The following SPMIP7 variants were observed in gnomAD, a reference collection of about 807,000 sequenced individuals.
SPMIP7 encodes the protein protein SPMIP7.
chr7:50,117,814 A>C, the SPMIP7 span, among the ~76,000 whole-genome samples: 3 of 152,196 alleles, frequency 2.0e-5, no homozygotes, highest in Admixed American at 6.5e-5. Flanking sequence ...AAGACATGTC[A>C]GTAAATATTT....
At chr7:50,123,113 C>T in the SPMIP7 span, among the ~76,000 whole-genome samples, 13 of 134,914 alleles carry the variant, frequency 9.6e-5, no homozygotes, top group African/African-American at 3.2e-4. Context: ...AAGACACATG[C>T]ACACGTATGT....
At chr7:50,110,747 A>G in the SPMIP7 span, among the ~76,000 whole-genome samples, 1,897 of 128,490 alleles carry the variant, frequency 0.015, 65 homozygotes, top group African/African-American at 0.054. Flanking sequence ...ATATATAAAT[A>G]TGTTATGTTA....
the SPMIP7 span, among the ~76,000 whole-genome samples, chr7:50,125,976 A>G: frequency 6.6e-6 from 1 of 152,112 alleles, no homozygotes; most frequent in African/African-American, 2.4e-5. Flanking sequence ...TCCTCACCAC[A>G]TATGCACATA....
the SPMIP7 span, among the ~76,000 whole-genome samples, chr7:50,146,106 TATGA>T: frequency 6.6e-6 from 1 of 152,334 alleles, no homozygotes; most frequent in South Asian, 2.1e-4. Context: ...AGAATAACTC[TATGA>T]ATAGTAGTTC....
chr7:50,117,320 C>G, the SPMIP7 span: 372,315 of 445,550 alleles, frequency 0.84, 156,002 homozygotes, highest in East Asian at 0.93. Flanking sequence ...AGTAGCTAAG[C>G]CATATTTTAA....
At chr7:50,123,763 A>G in the SPMIP7 span, among the ~76,000 whole-genome samples, 1 of 151,450 alleles carries the variant, frequency 6.6e-6, no homozygotes, top group Admixed American at 6.6e-5. Flanking sequence ...GGAATTCTAA[A>G]AAAGCAAAAA....
the SPMIP7 span, among the ~76,000 whole-genome samples, chr7:50,153,115 A>C: frequency 6.6e-6 from 1 of 152,228 alleles, no homozygotes; most frequent in African/African-American, 2.4e-5. Flanking sequence ...GACAGTAAAG[A>C]AGCACACAAG....
At chr7:50,098,410 C>T in the SPMIP7 span, among the ~76,000 whole-genome samples, 1 of 152,296 alleles carries the variant, frequency 6.6e-6, no homozygotes, top group East Asian at 1.9e-4. Flanking sequence ...AGATAGACCT[C>T]ATCTATTGTC....
the SPMIP7 span, among the ~76,000 whole-genome samples, chr7:50,097,202 G>A: frequency 6.6e-6 from 1 of 152,124 alleles, no homozygotes; most frequent in East Asian, 1.9e-4. Context: ...TCCTGTAAAT[G>A]GAGTTCCTCT....
chr7:50,106,648 G>A, the SPMIP7 span, among the ~76,000 whole-genome samples: 4 of 152,156 alleles, frequency 2.6e-5, no homozygotes, highest in African/African-American at 9.6e-5. Context: ...AAATACATAA[G>A]GAGAAAGTAC....
the SPMIP7 span, among the ~76,000 whole-genome samples, chr7:50,113,824 C>A: frequency 6.6e-6 from 1 of 151,838 alleles, no homozygotes; most frequent in African/African-American, 2.4e-5. Context: ...AGATGTTCAA[C>A]AAATTTCAAT....
the SPMIP7 span, chr7:50,129,568 A>G: frequency 3.3e-6 from 2 of 603,026 alleles, no homozygotes; most frequent in Non-Finnish European, 2.9e-6. Flanking sequence ...GAGGAAAAGT[A>G]GGGAAGCATT....
chr7:50,156,169 G>A, the SPMIP7 span, among the ~76,000 whole-genome samples: 1 of 152,184 alleles, frequency 6.6e-6, no homozygotes, highest in African/African-American at 2.4e-5. Flanking sequence ...AGGAAGGCCT[G>A]GCCCTTATGA....
chr7:50,158,215 G>T, the SPMIP7 span, among the ~76,000 whole-genome samples: 1 of 150,032 alleles, frequency 6.7e-6, no homozygotes, highest in Non-Finnish European at 1.5e-5. Flanking sequence ...TTCCACCCAT[G>T]TCTTCTCCTA....
the SPMIP7 span, among the ~76,000 whole-genome samples, chr7:50,132,639 A>G: frequency 6.6e-6 from 1 of 152,152 alleles, no homozygotes; most frequent in Non-Finnish European, 1.5e-5. Context: ...TCTTACATAC[A>G]ATACTAGTCA....
the SPMIP7 span, chr7:50,141,411 T>G: frequency 1.5e-6 from 2 of 1,359,692 alleles, no homozygotes; most frequent in East Asian, 5.0e-5. Context: ...CATGATTATT[T>G]CACTTGTTTT....
At chr7:50,096,996 C>G in the SPMIP7 span, among the ~76,000 whole-genome samples, 1 of 152,088 alleles carries the variant, frequency 6.6e-6, no homozygotes, top group African/African-American at 2.4e-5. Context: ...AATGAATTCA[C>G]TGATATTATG....
At chr7:50,100,707 G>A in the SPMIP7 span, among the ~76,000 whole-genome samples, 2 of 152,006 alleles carry the variant, frequency 1.3e-5, no homozygotes, top group Admixed American at 1.3e-4. Context: ...AGCTACTCGG[G>A]AGGCTGAGGC....
the SPMIP7 span, chr7:50,096,148 A>T: frequency 1.9e-5 from 30 of 1,548,268 alleles, no homozygotes; most frequent in South Asian, 2.9e-4. Context: ...CCATCCTTTC[A>T]GGAACTGTTG....
Sources: gnomAD v4.1 joint callset for allele counts (sites outside exome capture counted in the v4.1 genomes callset) on GRCh38, gnomAD v4.1.1 for gene constraint, MANE v1.5 for transcripts, NCBI Gene and HGNC (gene_info 2026-07-23, HGNC 2026-07-21) for gene names.